PACRG: variants seen among roughly 807,000 people sequenced by gnomAD.
The protein encoded by PACRG is parkin coregulated.
Under a neutral mutation model 29.7 loss-of-function variants are expected in PACRG, and 29 were observed. That is an observed-to-expected ratio of 0.98 (90% CI 0.73 to 1.33). PACRG has a LOEUF of 1.33. PACRG is among the 40% of genes most tolerant of loss of function. The pLI, the probability that PACRG is intolerant of heterozygous loss-of-function variation, is 0.00. For synonymous variants in PACRG, 116 were observed against 118.7 expected, an observed-to-expected ratio of 0.98 and a Z score of 0.15; for missense variants, 279 against 316.2, an observed-to-expected ratio of 0.88 and a Z score of 0.89.
intron 2 of PACRG, among the ~76,000 whole-genome samples, chr6:163,021,026 G>T (rs115453308): frequency 2.7e-3 from 404 of 152,236 alleles, no homozygotes; most frequent in African/African-American, 9.3e-3. Context: ...CCCTGTGCCT[G>T]CCCGTCCTGG....
intron 1 of PACRG, among the ~76,000 whole-genome samples, chr6:162,746,089 C>T (rs1281665306): frequency 2.0e-5 from 3 of 151,876 alleles, no homozygotes; most frequent in Admixed American, 6.6e-5. Context: ...ATAATAAATA[C>T]AAGATAGATC....
intron 4 of PACRG, among the ~76,000 whole-genome samples, chr6:163,297,111 A>G (rs939134839): frequency 2.0e-5 from 3 of 152,198 alleles, no homozygotes; most frequent in South Asian, 4.1e-4. Flanking sequence ...TCTCAATGTA[A>G]TATCTTTCTT....
At chr6:162,892,679 C>T (rs1320051529) in intron 2 of PACRG, among the ~76,000 whole-genome samples, 3 of 152,152 alleles carry the variant, frequency 2.0e-5, no homozygotes, top group Admixed American at 6.5e-5. Flanking sequence ...CCTGACCCCC[C>T]TACAGTGGTT....
intron 2 of PACRG, among the ~76,000 whole-genome samples, chr6:162,930,908 C>A (rs1212485765): frequency 1.3e-5 from 2 of 151,900 alleles, no homozygotes; most frequent in Non-Finnish European, 2.9e-5. Flanking sequence ...AACCTCCTTG[C>A]ATCCCTGGGA....
intron 2 of PACRG, among the ~76,000 whole-genome samples, chr6:163,020,324 A>G (rs1462739118): frequency 6.6e-6 from 1 of 152,216 alleles, no homozygotes; most frequent in Non-Finnish European, 1.5e-5. Context: ...ATCCTATGAC[A>G]TATGGAGTTG....
At chr6:163,308,486 C>A (rs992378105) in intron 4 of PACRG, among the ~76,000 whole-genome samples, 1 of 152,040 alleles carries the variant, frequency 6.6e-6, no homozygotes, top group African/African-American at 2.4e-5. Flanking sequence ...GTCAACATGG[C>A]AAAACTCTGT....
intron 4 of PACRG, among the ~76,000 whole-genome samples, chr6:163,146,837 C>G (rs1777822107): frequency 6.6e-6 from 1 of 152,190 alleles, no homozygotes; most frequent in African/African-American, 2.4e-5. Context: ...CCAAACATCT[C>G]TAATTGTTTT....
At chr6:163,131,853 A>G (rs921046388) in intron 4 of PACRG, among the ~76,000 whole-genome samples, 17 of 152,208 alleles carry the variant, frequency 1.1e-4, no homozygotes, top group African/African-American at 4.1e-4. Flanking sequence ...CCCTACCACA[A>G]TACTTTACCC....
intron 3 of PACRG, among the ~76,000 whole-genome samples, chr6:163,063,349 T>C (rs1190294742): frequency 4.6e-5 from 7 of 152,022 alleles, no homozygotes; most frequent in African/African-American, 1.4e-4. Context: ...TTCTACCTCA[T>C]CTTCCACTCC....
intron 4 of PACRG, among the ~76,000 whole-genome samples, chr6:163,266,792 G>C (rs1783541707): frequency 6.6e-6 from 1 of 152,116 alleles, no homozygotes; most frequent in Admixed American, 6.5e-5. Context: ...AGCCAGGCTG[G>C]GGCTGATATC....
chr6:162,803,088 T>C (rs1049681112), intron 1 of PACRG, among the ~76,000 whole-genome samples: 3 of 152,164 alleles, frequency 2.0e-5, no homozygotes, highest in Non-Finnish European at 4.4e-5. Context: ...CCAAGTTGTT[T>C]ACCCCACAGG....
chr6:163,004,257 A>T (rs1050354965), intron 2 of PACRG, among the ~76,000 whole-genome samples: 2 of 150,452 alleles, frequency 1.3e-5, no homozygotes, highest in South Asian at 4.2e-4. Flanking sequence ...GTATATGAAC[A>T]TATATATCAT....
At chr6:162,748,423 G>A (rs920852871) in intron 1 of PACRG, among the ~76,000 whole-genome samples, 2 of 152,156 alleles carry the variant, frequency 1.3e-5, no homozygotes, top group Non-Finnish European at 2.9e-5. Flanking sequence ...AACCCCAGGA[G>A]GCGGAGGTTG....
In PACRG at chr6:163,299,392, G is replaced by C. The variant is rs192802738; in HGVS notation, c.614-15435G>C. On this transcript the variant is annotated intron_variant, in intron 4 of 4. Coordinates refer to ENST00000366888, the MANE Select transcript of PACRG (RefSeq NM_001080379.2). ...CCCACCACCCAAGCCCCATAGACGT[G>C]TCAGGAACCATCAGCCTGACCTGCC... Among the ~76,000 whole-genome samples the C allele has an allele frequency of 2.1e-3, 318 of 152,268 alleles. 1 individual carries two copies. The highest frequency in any genetic ancestry group is 3.3e-3 in the Non-Finnish European group (223 of 68,026).
At chr6:163,257,698 T>G (rs1322143786) in intron 4 of PACRG, among the ~76,000 whole-genome samples, 2 of 152,252 alleles carry the variant, frequency 1.3e-5, no homozygotes, top group Non-Finnish European at 2.9e-5. Flanking sequence ...TATGAACAGA[T>G]AGATTGATTG....
chr6:162,771,413 T>G (rs1783210215), intron 1 of PACRG, among the ~76,000 whole-genome samples: 1 of 152,102 alleles, frequency 6.6e-6, no homozygotes, highest in East Asian at 1.9e-4. Flanking sequence ...TAAAGCAAAT[T>G]AGGGAGTCTG....
intron 4 of PACRG, among the ~76,000 whole-genome samples, chr6:163,263,008 A>G (rs1487928893): frequency 6.6e-6 from 1 of 150,828 alleles, no homozygotes; most frequent in Non-Finnish European, 1.5e-5. Flanking sequence ...CTATGATCAC[A>G]CCACTGCACT....
At chr6:162,834,861 C>A (rs1437068566) in intron 2 of PACRG, among the ~76,000 whole-genome samples, 1 of 151,968 alleles carries the variant, frequency 6.6e-6, no homozygotes, top group East Asian at 1.9e-4. Flanking sequence ...AAATTTGGTT[C>A]TAATGTAAAA....
At chr6:163,034,718 A>G (rs367802007) in intron 2 of PACRG, among the ~76,000 whole-genome samples, 29 of 152,118 alleles carry the variant, frequency 1.9e-4, no homozygotes, top group African/African-American at 5.3e-4. Flanking sequence ...ACCAGACACC[A>G]CCACTTACCT....
Sources: gnomAD v4.1 joint callset for allele counts (sites outside exome capture counted in the v4.1 genomes callset) on GRCh38, gnomAD v4.1.1 for gene constraint, MANE v1.5 for transcripts, NCBI Gene and HGNC (gene_info 2026-07-23, HGNC 2026-07-21) for gene names.